The following MACROD2 variants were observed in gnomAD, a reference collection of about 807,000 sequenced individuals.
MACROD2 encodes the protein ADP-ribose glycohydrolase MACROD2.
A neutral mutation model predicts 70.4 loss-of-function variants in MACROD2; 36 were observed. The ratio of observed to expected loss-of-function variants is 0.51; its 90% CI spans 0.39 to 0.68. The LOEUF (loss-of-function observed/expected upper bound fraction) is 0.68. Among genes scored for constraint, MACROD2 ranks in the 30% least tolerant of loss-of-function variants. The pLI is 0.00. For synonymous variants in MACROD2, 172 were observed against 178.8 expected (o/e 0.96, Z 0.30); for missense variants, 496 against 538.4 (o/e 0.92, Z 0.78).
At chr20:15,570,288 A>G (rs1041386238) in intron 8 of MACROD2, among the ~76,000 whole-genome samples, 2 of 152,094 alleles carry the variant, frequency 1.3e-5, no homozygotes, top group African/African-American at 4.8e-5. Context: ...CGTTTTCTTG[A>G]TGATTAGTGA....
intron 3 of MACROD2, among the ~76,000 whole-genome samples, chr20:14,412,310 A>G (rs1364002193): frequency 6.6e-6 from 1 of 152,170 alleles, no homozygotes; most frequent in Non-Finnish European, 1.5e-5. Flanking sequence ...TCTGCTTTCA[A>G]CGCAGGCTTA....
chr20:15,256,081 C>A (rs2077196846), intron 6 of MACROD2, among the ~76,000 whole-genome samples: 1 of 152,060 alleles, frequency 6.6e-6, no homozygotes, highest in Non-Finnish European at 1.5e-5. Context: ...ACTAGGTGAG[C>A]ATCAGTTAGG....
chr20:15,356,337 G>T (rs556857739), intron 6 of MACROD2, among the ~76,000 whole-genome samples: 2 of 152,148 alleles, frequency 1.3e-5, no homozygotes, highest in South Asian at 4.2e-4. Context: ...AGTATAGTAA[G>T]GACTCAATAA....
intron 2 of MACROD2, among the ~76,000 whole-genome samples, chr20:14,043,558 G>C (rs748463332): frequency 1.3e-5 from 2 of 152,166 alleles, no homozygotes; most frequent in African/African-American, 4.8e-5. Context: ...GTAGAAATGT[G>C]ATTGGACAAA....
intron 3 of MACROD2, among the ~76,000 whole-genome samples, chr20:14,094,694 A>G (rs936855104): frequency 6.6e-6 from 1 of 152,144 alleles, no homozygotes; most frequent in Non-Finnish European, 1.5e-5. Context: ...TGAATGCTTT[A>G]CTTGCAAACT....
At chr20:15,624,131 G>A (rs971504879) in intron 8 of MACROD2, among the ~76,000 whole-genome samples, 5 of 152,146 alleles carry the variant, frequency 3.3e-5, no homozygotes, top group African/African-American at 1.2e-4. Flanking sequence ...ACTGGTATAA[G>A]TCCAAGGGTC....
intron 5 of MACROD2, among the ~76,000 whole-genome samples, chr20:14,861,623 C>G (rs138946350): frequency 8.8e-4 from 133 of 151,924 alleles, no homozygotes; most frequent in Middle Eastern, 3.4e-3. Context: ...GGGTGAATAA[C>G]CAGCACAGAG....
chr20:14,230,680 T>A (rs1307709163), intron 3 of MACROD2, among the ~76,000 whole-genome samples: 1 of 113,142 alleles, frequency 8.8e-6, no homozygotes, highest in African/African-American at 4.1e-5. Flanking sequence ...TATATATATA[T>A]ATATATATAT....
chr20:14,259,025 C>T (rs1029160218), intron 3 of MACROD2, among the ~76,000 whole-genome samples: 2 of 152,204 alleles, frequency 1.3e-5, no homozygotes, highest in Admixed American at 6.5e-5. Flanking sequence ...TCACTGCAAC[C>T]TCTGCCTCCC....
chr20:14,699,386 G>T (rs1568745266), intron 5 of MACROD2, among the ~76,000 whole-genome samples: 2 of 152,126 alleles, frequency 1.3e-5, no homozygotes, highest in Non-Finnish European at 2.9e-5. Flanking sequence ...TGTTCAAACT[G>T]TTCAGATTTT....
chr20:14,003,088 G>A (rs966401437), intron 2 of MACROD2, among the ~76,000 whole-genome samples: 2 of 152,226 alleles, frequency 1.3e-5, no homozygotes, highest in African/African-American at 4.8e-5. Context: ...TGGATGTGAA[G>A]TTTAGACAAA....
chr20:15,130,389 A>G (rs768076886), intron 5 of MACROD2, among the ~76,000 whole-genome samples: 51 of 152,006 alleles, frequency 3.4e-4, no homozygotes, highest in Middle Eastern at 3.4e-3. Context: ...GTAATAGGCA[A>G]TGTGCATCTA....
Position 14,482,914 on chromosome 20 carries a change from G to A in MACROD2, c.272-10565G>A, listed in dbSNP as rs114452521. On this transcript the variant is annotated intron_variant, in intron 3 of 17. Transcript: ENST00000684519. ...ACATTACATGGCTTCAAATACTGGT[G>A]CCAGCCTTTGGTCTCGAACATGTTA... 4.9e-3 allele frequency among the ~76,000 whole-genome samples: 742 copies of A among 152,262 alleles called. 5 individuals are homozygous for A. Among genetic ancestry groups the A allele is most frequent in the African/African-American group, 0.016 (672 of 41,550 alleles).
intron 4 of MACROD2, among the ~76,000 whole-genome samples, chr20:14,674,302 T>C (rs1320932359): frequency 6.6e-6 from 1 of 152,200 alleles, no homozygotes; most frequent in Non-Finnish European, 1.5e-5. Context: ...TTCTACATTA[T>C]CTTGCAGTGA....
chr20:14,747,305 G>T (rs1047598694), intron 5 of MACROD2, among the ~76,000 whole-genome samples: 2 of 152,134 alleles, frequency 1.3e-5, no homozygotes, highest in African/African-American at 4.8e-5. Context: ...GTTGGGGGTA[G>T]AATTACTCAG....
At chr20:14,854,741 G>A (rs193253759) in intron 5 of MACROD2, among the ~76,000 whole-genome samples, 3 of 152,230 alleles carry the variant, frequency 2.0e-5, no homozygotes, top group Admixed American at 2.0e-4. Flanking sequence ...AATGGGCCGG[G>A]CACGATGGCT....
intron 6 of MACROD2, among the ~76,000 whole-genome samples, chr20:15,402,861 G>A (rs2045948934): frequency 6.6e-6 from 1 of 152,162 alleles, no homozygotes; most frequent in South Asian, 2.1e-4. Flanking sequence ...GTGTATGGAA[G>A]GCAGGAGATA....
chr20:14,777,820 A>C (rs1472163798), intron 5 of MACROD2, among the ~76,000 whole-genome samples: 1 of 152,150 alleles, frequency 6.6e-6, no homozygotes, highest in Non-Finnish European at 1.5e-5. Flanking sequence ...TACCAACAGC[A>C]GTTTCAACTT....
intron 3 of MACROD2, among the ~76,000 whole-genome samples, chr20:14,107,516 C>T (rs909247212): frequency 6.6e-6 from 1 of 151,920 alleles, no homozygotes; most frequent in Non-Finnish European, 1.5e-5. Flanking sequence ...TTCCCCAAAC[C>T]TAGAGAAAGA....
Sources: gnomAD v4.1 joint callset for allele counts (sites outside exome capture counted in the v4.1 genomes callset) on GRCh38, gnomAD v4.1.1 for gene constraint, MANE v1.5 for transcripts, NCBI Gene and HGNC (gene_info 2026-07-23, HGNC 2026-07-21) for gene names.